The following NRBP1 variants were observed in gnomAD, a reference collection of about 807,000 sequenced individuals.
NRBP1 encodes nuclear receptor binding protein 1.
In NRBP1, 10 loss-of-function variants were observed where a neutral mutation model predicts 76.0. That is an observed-to-expected ratio of 0.13 (90% confidence interval 0.08 to 0.22). The LOEUF (loss-of-function observed/expected upper bound fraction) is 0.22. NRBP1 is among the 10% of genes least tolerant of loss of function. The probability of loss-of-function intolerance (pLI) is 1.00; values close to 1 mark genes in which losing one functional copy is unlikely to be tolerated. For synonymous variants in NRBP1, 235 were observed against 240.2 expected (o/e 0.98, Z 0.20); for missense variants, 344 against 646.0 (o/e 0.53, Z 5.07).
chr2:27,435,910 C>A, intron 7 of NRBP1: 1 of 646,096 alleles, frequency 1.5e-6, no homozygotes, highest in Non-Finnish European at 2.8e-6. Flanking sequence ...CCTGCTTGCC[C>A]CTTCATAACC....
chr2:27,428,138 G>A (rs1244263572), upstream of NRBP1: 1 of 152,422 alleles, frequency 6.6e-6, no homozygotes, highest in African/African-American at 2.4e-5. Flanking sequence ...TAAGCAAATA[G>A]TGCTAAGCAA....
chr2:27,430,952 T>C (rs567661084), intron 1 of NRBP1, among the ~76,000 whole-genome samples: 3 of 152,250 alleles, frequency 2.0e-5, no homozygotes, highest in Non-Finnish European at 4.4e-5. Context: ...GAAAATGTTA[T>C]GCTGTATAAT....
chr2:27,436,395 G>T (rs1664308621), intron 7 of NRBP1: 2 of 226,172 alleles, frequency 8.8e-6, no homozygotes, highest in South Asian at 7.9e-5. Flanking sequence ...ATGTGAGCAG[G>T]GATTAGAGGT....
At chr2:27,439,704 T>C in intron 10 of NRBP1, 62 bp from the exon 11 acceptor site, 1 of 1,599,394 alleles carries the variant, frequency 6.3e-7, no homozygotes, top group South Asian at 1.1e-5. Context: ...ATGAGAGCTA[T>C]AAAGATGAAC....
chr2:27,439,341 C>T (rs1055782723), intron 10 of NRBP1, among the ~76,000 whole-genome samples: 5 of 151,618 alleles, frequency 3.3e-5, no homozygotes, highest in South Asian at 2.1e-4. Flanking sequence ...AAAAATTAGC[C>T]GGGCATGGTG....
chr2:27,437,168 G>A, intron 9 of NRBP1, 63 bp downstream of exon 9: 1 of 1,586,096 alleles, frequency 6.3e-7, no homozygotes, highest in Non-Finnish European at 8.7e-7. Flanking sequence ...GGGAATGGAG[G>A]GAAGACAAGT....
At chr2:27,436,973 T>C (rs1664331391) in intron 8 of NRBP1, 74 bp from the exon 9 acceptor site, 4 of 1,507,454 alleles carry the variant, frequency 2.7e-6, no homozygotes, top group African/African-American at 1.4e-5. Flanking sequence ...TTCTTTTTTT[T>C]TTTTCCTAAG....
rs781180367 is a variant in NRBP1, at chr2:27,441,188, T to TCAGGGCTAGGGTTGCG, written c.1383+18_1383+33dup. On this transcript the variant is annotated intron_variant, in intron 15 of 17. Transcript: ENST00000379852. ...GAGGGAGTCAAACACCACGTAAGGCTCAGGGCTAGGGTTGCGCAGGGCTAG... is the reference window on the plus strand; with the variant it reads ...GAGGGAGTCAAACACCACGTAAGGCTCAGGGCTAGGGTTGCGCAGGGCTAGGGTTGCGCAGGGCTAG... The TCAGGGCTAGGGTTGCG allele has an allele frequency of 1.4e-5, 22 of 1,613,916 alleles. No homozygotes were observed. Among genetic ancestry groups the TCAGGGCTAGGGTTGCG allele is most frequent in the Non-Finnish European group, 1.8e-5 (21 of 1,179,996 alleles).
Position 27,440,420 on chromosome 2 carries a change from G to A in NRBP1, c.1054G>A (p.Ala352Thr), listed in dbSNP as rs1229817734. The change falls in exon 12 of 18, where the codon GCT (alanine) becomes ACT (threonine). Residue 352 changes from alanine (A) to threonine (T), a missense_variant. Ala to Thr is a moderately conservative substitution (Grantham distance 58, BLOSUM62 0). Coordinates refer to ENST00000379852, the MANE Select transcript of NRBP1 (RefSeq NM_013392.4). ...CCCTCCAGACATGATCCCAGAGAACGCTCTAGAGGAGATCACCAAAAACAT... is the reference window on the plus strand; with the variant it reads ...CCCTCCAGACATGATCCCAGAGAACACTCTAGAGGAGATCACCAAAAACAT... ...VGHQHMIPEN[A>T]LEEITKNMDT... 6.2e-7 allele frequency: 1 copy of A among 1,612,178 alleles called. No individual in the cohort carries two copies. The highest frequency in any genetic ancestry group is 8.5e-7 in the Non-Finnish European group (1 of 1,178,480).
In NRBP1 at chr2:27,441,683, A is replaced by G. The variant is rs373623094; in HGVS notation, c.1504-25A>G. ...CATGCCTTCTCTTCTCTCAGCCCCC[A>G]TCTTACTGAGCTCTTCTCCCCCAGG... On this transcript the variant is annotated intron_variant, in intron 17 of 17. Transcript: ENST00000379852. 8.7e-6 allele frequency: 14 copies of G among 1,611,160 alleles called. No individual in the cohort carries two copies. In the African/African-American group the frequency reaches 1.6e-4, roughly 18 times the overall value.
intron 10 of NRBP1, 118 bp from the exon 11 acceptor site, chr2:27,439,648 G>C (rs1664449843): frequency 2.7e-6 from 3 of 1,109,830 alleles, no homozygotes; most frequent in Non-Finnish European, 3.8e-6. Flanking sequence ...TGTTTTCTCA[G>C]CAAGTGCTGA....
At chr2:27,441,230 A>G (rs1268218143) in intron 15 of NRBP1, 37 bp from the exon 16 acceptor site, 1 of 1,613,684 alleles carries the variant, frequency 6.2e-7, no homozygotes, top group African/African-American at 1.3e-5. Flanking sequence ...GAGGGTAGGG[A>G]AGAAAAGTCT....
chr2:27,435,525 C>G, intron 7 of NRBP1: 1 of 629,670 alleles, frequency 1.6e-6, no homozygotes, highest in South Asian at 1.8e-5. Context: ...GGGGCCAGAC[C>G]CTGCCAGAGG....
intron 1 of NRBP1, 93 bp from the exon 2 acceptor site, chr2:27,433,161 G>A (rs1205945870): frequency 1.0e-5 from 9 of 870,340 alleles, no homozygotes; most frequent in South Asian, 1.6e-5. Flanking sequence ...TTACAGGCAT[G>A]AGCCACCACG....
intron 1 of NRBP1, 89 bp downstream of exon 1, chr2:27,428,820 C>A (rs980807107): frequency 2.5e-5 from 10 of 397,960 alleles, no homozygotes; most frequent in Non-Finnish European, 4.4e-5. Context: ...CGGTGGGACC[C>A]GCCAGTCGGG....
At chr2:27,427,823 T>C (rs561773937), upstream of NRBP1, 1 of 152,310 alleles carries the variant, frequency 6.6e-6, no homozygotes, top group Non-Finnish European at 1.5e-5. Flanking sequence ...TGAACTTCCA[T>C]CCTGAAGGCT....
At chr2:27,434,111 T>A (rs773815314) in intron 4 of NRBP1, 21 bp downstream of exon 4, 28 of 1,543,092 alleles carry the variant, frequency 1.8e-5, no homozygotes, top group Non-Finnish European at 2.1e-5. Flanking sequence ...TTTCCCCATA[T>A]TTCCTGAACT....
At chr2:27,438,205 G>A (rs990424197) in intron 10 of NRBP1, among the ~76,000 whole-genome samples, 5 of 150,598 alleles carry the variant, frequency 3.3e-5, no homozygotes, top group African/African-American at 1.2e-4. Flanking sequence ...ATGTTAATTT[G>A]AATGTGTCTA....
chr2:27,441,144 C>T lies in NRBP1; in HGVS notation c.1347C>T (p.Cys449=), dbSNP rs1277327179. ...CTCCCTAGGTGGTGCTGATGCAGTG[C>T]AACATTGAGTCGGTGGAGGAGGGAG... is the stretch of plus-strand genomic sequence containing the variant. ...VETRKVVLMQ[C]NIESVEEGVK... The change falls in exon 15 of 18, where the codon TGC becomes TGT. Residue 449 remains cysteine (C), a synonymous_variant. Coordinates refer to ENST00000379852, the MANE Select transcript of NRBP1 (RefSeq NM_013392.4). 1.9e-6 allele frequency: 3 copies of T among 1,613,820 alleles called. No homozygotes were observed. The Admixed American group carries it at 5.0e-5, about 27-fold the overall frequency.
Sources: allele counts gnomAD v4.1 joint callset (sites outside exome capture counted in the v4.1 genomes callset), GRCh38; gene constraint gnomAD v4.1.1; transcripts MANE v1.5; gene names NCBI Gene and HGNC (gene_info 2026-07-23, HGNC 2026-07-21).